The following TLL1 variants were observed in gnomAD, a reference collection of about 807,000 sequenced individuals.
TLL1 encodes tolloid-like protein 1.
Under a neutral mutation model 128.2 loss-of-function variants are expected in TLL1, and 49 were observed. The ratio of observed to expected loss-of-function variants is 0.38; its 90% confidence interval spans 0.30 to 0.48. The LOEUF is 0.48. Ranked by LOEUF, TLL1 falls within the 20% of genes least tolerant of loss-of-function variation. The pLI is 0.96. For synonymous variants in TLL1, 454 were observed against 418.8 expected (o/e 1.08, Z -1.03); for missense variants, 1,123 against 1,242.0 (o/e 0.90, Z 1.44).
At chr4:166,021,482 G>C (rs1238288713) in intron 8 of TLL1, among the ~76,000 whole-genome samples, 2 of 147,914 alleles carry the variant, frequency 1.4e-5, no homozygotes, top group African/African-American at 2.5e-5. Context: ...CACCAGGCTG[G>C]AGTGCAGTGG....
chr4:165,967,210 C>A (rs1294122683), intron 1 of TLL1, among the ~76,000 whole-genome samples: 1 of 152,164 alleles, frequency 6.6e-6, no homozygotes, highest in East Asian at 1.9e-4. Flanking sequence ...TCCCTCGTTC[C>A]CTGAAAATCG....
Position 165,873,981 on chromosome 4 carries a change from G to A in TLL1, c.77G>A (p.Trp26Ter). Reference sequence around the variant, plus strand: ...GGGATTGTTTTCTACGGGGAGCTATGGGTCTGCGCTGGCCTCGATTATGAT... The same window carrying A: ...GGGATTGTTTTCTACGGGGAGCTATAGGTCTGCGCTGGCCTCGATTATGAT... ...ASGIVFYGELWVCAGLDYDYT... is the reference protein window; with the variant it reads ...ASGIVFYGEL The change falls in exon 1 of 21, where the codon TGG (tryptophan) becomes TAG (stop). Residue 26 changes from tryptophan (W) to a stop codon, truncating the protein, a stop_gained. Coordinates refer to ENST00000061240, the MANE Select transcript of TLL1 (RefSeq NM_012464.5). LOFTEE classifies it high-confidence loss of function. The A allele has an allele frequency of 6.2e-7, 1 of 1,614,164 alleles. No homozygotes were observed. Among genetic ancestry groups the A allele is most frequent in the Non-Finnish European group, 8.5e-7 (1 of 1,180,022 alleles).
intron 1 of TLL1, among the ~76,000 whole-genome samples, chr4:165,929,797 A>C (rs1179860315): frequency 6.6e-6 from 1 of 152,180 alleles, no homozygotes; most frequent in Non-Finnish European, 1.5e-5. Context: ...AATCAATCTA[A>C]TAATACCTGC....
intron 9 of TLL1, chr4:166,030,940 A>T (rs1429051256): frequency 3.5e-5 from 34 of 979,142 alleles, no homozygotes; most frequent in Non-Finnish European, 3.8e-5. Flanking sequence ...CTTTGTTTTA[A>T]ATAAAAGCTT....
At chr4:166,076,522 T>TA (rs1402058299) in intron 17 of TLL1, among the ~76,000 whole-genome samples, 1 of 152,182 alleles carries the variant, frequency 6.6e-6, no homozygotes, top group Non-Finnish European at 1.5e-5. Flanking sequence ...TCATAATAGA[T>TA]AAAACAACAT....
chr4:166,039,235 A>T, intron 9 of TLL1, 104 bp from the exon 10 acceptor site: 1 of 758,676 alleles, frequency 1.3e-6, no homozygotes, highest in South Asian at 1.5e-5. Context: ...TTAGCTGCAC[A>T]TGCATTTTTA....
At chr4:166,095,526 C>A (rs1258872180) in intron 19 of TLL1, among the ~76,000 whole-genome samples, 1 of 151,952 alleles carries the variant, frequency 6.6e-6, no homozygotes, top group Admixed American at 6.6e-5. Flanking sequence ...CTTGGGACTT[C>A]TTTTCTGTAA....
At chr4:165,981,068 C>T (rs1465328885) in intron 1 of TLL1, among the ~76,000 whole-genome samples, 5 of 151,976 alleles carry the variant, frequency 3.3e-5, no homozygotes, top group Admixed American at 3.3e-4. Flanking sequence ...TAAAATTTTG[C>T]ACATGAGAGA....
chr4:166,049,504 A>G (rs1252480296), intron 12 of TLL1, among the ~76,000 whole-genome samples: 1 of 152,162 alleles, frequency 6.6e-6, no homozygotes, highest in Non-Finnish European at 1.5e-5. Context: ...TATTAAATTT[A>G]TGAGTAATCA....
At chr4:165,939,019 T>A (rs1243260056) in intron 1 of TLL1, among the ~76,000 whole-genome samples, 4 of 151,828 alleles carry the variant, frequency 2.6e-5, no homozygotes, top group South Asian at 2.1e-4. Context: ...CTTTTTTTTT[T>A]AAAGTTGAAT....
chr4:165,971,742 A>G (rs1579564337), intron 1 of TLL1, among the ~76,000 whole-genome samples: 1 of 151,252 alleles, frequency 6.6e-6, no homozygotes, highest in South Asian at 2.1e-4. Context: ...TAAAAATTTT[A>G]GATGTTTTCT....
chr4:166,010,500 T>C (rs547073773), intron 7 of TLL1, among the ~76,000 whole-genome samples: 3 of 151,080 alleles, frequency 2.0e-5, no homozygotes, highest in Non-Finnish European at 4.4e-5. Context: ...TGTTGTTGAG[T>C]AGTAGAAGTT....
intron 1 of TLL1, among the ~76,000 whole-genome samples, chr4:165,942,456 T>C (rs1320197109): frequency 1.3e-5 from 2 of 151,990 alleles, no homozygotes; most frequent in Non-Finnish European, 2.9e-5. Flanking sequence ...GTTACTGTTT[T>C]GTCTATCTCC....
At chr4:165,977,605 G>T (rs964030705) in intron 1 of TLL1, among the ~76,000 whole-genome samples, 1 of 152,108 alleles carries the variant, frequency 6.6e-6, no homozygotes, top group Non-Finnish European at 1.5e-5. Flanking sequence ...AGGAGAAATG[G>T]TTATAAAATT....
intron 1 of TLL1, among the ~76,000 whole-genome samples, chr4:165,984,983 T>C (rs1736335293): frequency 6.6e-6 from 1 of 152,048 alleles, no homozygotes. Context: ...ATATGGACTC[T>C]TTTGTTATAC....
At chr4:165,993,737 T>C (rs889353582) in intron 3 of TLL1, among the ~76,000 whole-genome samples, 3 of 152,076 alleles carry the variant, frequency 2.0e-5, no homozygotes, top group Non-Finnish European at 2.9e-5. Flanking sequence ...GAAAAGACTA[T>C]AGACTTGAAA....
chr4:166,010,616 C>T (rs2111045271), intron 7 of TLL1, among the ~76,000 whole-genome samples: 1 of 150,756 alleles, frequency 6.6e-6, no homozygotes, highest in East Asian at 1.9e-4. Flanking sequence ...ATTCAGTTGG[C>T]TGTGTCCTTT....
chr4:165,903,412 G>GT (rs563542442), intron 1 of TLL1, among the ~76,000 whole-genome samples: 7,253 of 125,282 alleles, frequency 0.058, 406 homozygotes, highest in East Asian at 0.18. Flanking sequence ...TCTTTTTCTT[G>GT]TTTTTTTTTT....
At chr4:165,888,993 C>G (rs1214029147) in intron 1 of TLL1, among the ~76,000 whole-genome samples, 1 of 152,182 alleles carries the variant, frequency 6.6e-6, no homozygotes, top group African/African-American at 2.4e-5. Flanking sequence ...GCTTATCTCT[C>G]TGGATTCTCT....
Sources: allele counts gnomAD v4.1 joint callset (sites outside exome capture counted in the v4.1 genomes callset), GRCh38; gene constraint gnomAD v4.1.1; transcripts MANE v1.5; gene names NCBI Gene and HGNC (gene_info 2026-07-23, HGNC 2026-07-21).